The following LYPLAL1 variants were observed in gnomAD, a reference collection of about 807,000 sequenced individuals.
LYPLAL1 encodes lysophospholipase like 1, also known as lysophospholipase-like protein 1.
LYPLAL1 carries 23 observed loss-of-function variants against 19.7 expected under a neutral mutation model. The observed-to-expected ratio is 1.17, with a 90% confidence interval of 0.84 to 1.65. LYPLAL1 has a LOEUF of 1.65. Among genes scored for constraint, LYPLAL1 ranks in the 40% most tolerant of loss-of-function variants. LYPLAL1 has a pLI of 0.00. For missense variants in LYPLAL1, 355 were observed against 279.4 expected, an observed-to-expected ratio of 1.27 and a Z score of -1.93; for synonymous variants, 119 against 96.3, an observed-to-expected ratio of 1.24 and a Z score of -1.38.
chr1:219,309,275 G>T, the LYPLAL1 span, among the ~76,000 whole-genome samples: 1 of 152,188 alleles, frequency 6.6e-6, no homozygotes, highest in Non-Finnish European at 1.5e-5. Context: ...TTGTATCTAG[G>T]AAGTAACTAG....
At chr1:219,250,920 C>T in the LYPLAL1 span, among the ~76,000 whole-genome samples, 1 of 152,052 alleles carries the variant, frequency 6.6e-6, no homozygotes, top group Non-Finnish European at 1.5e-5. Flanking sequence ...ACACTCCCAC[C>T]AACAGTGTAT....
At chr1:219,282,178 A>T in the LYPLAL1 span, among the ~76,000 whole-genome samples, 1 of 152,222 alleles carries the variant, frequency 6.6e-6, no homozygotes, top group South Asian at 2.1e-4. Flanking sequence ...AACAGTTACC[A>T]TGAGAAAGGA....
At chr1:219,179,461 C>A (rs1266167119) in intron 2 of LYPLAL1, 3 of 472,732 alleles carry the variant, frequency 6.3e-6, no homozygotes, top group Non-Finnish European at 1.1e-5. Context: ...AAAGCATTCC[C>A]TAAAGCTCTG....
the LYPLAL1 span, among the ~76,000 whole-genome samples, chr1:219,393,163 CTT>C: frequency 6.6e-6 from 1 of 152,016 alleles, no homozygotes; most frequent in African/African-American, 2.4e-5. Flanking sequence ...GGGATTATGT[CTT>C]TGGTTTTGAG....
chr1:219,438,970 C>G, the LYPLAL1 span, among the ~76,000 whole-genome samples: 1 of 152,144 alleles, frequency 6.6e-6, no homozygotes, highest in East Asian at 1.9e-4. Flanking sequence ...CTTTTTCATG[C>G]TCTTTCTTGC....
At position 219,193,066 on chromosome 1, in the gene LYPLAL1, G is replaced by GGC; in HGVS notation, c.192-14_192-13dup. The stretch of plus-strand genomic sequence containing the variant: ...TTTCCTTTCTTTTTTTTTGGGGGGG[G>GGC]GCGGTTGTTAAACAGATCATATACT... On this transcript the variant is annotated splice_polypyrimidine_tract_variant and intron_variant, in intron 2 of 4. Coordinates refer to ENST00000366928, the MANE Select transcript of LYPLAL1 (RefSeq NM_138794.5). 4 of 1,519,554 alleles carry GGC rather than the reference G, an allele frequency of 2.6e-6. No individual in the cohort carries two copies. The allele number at this position is 1,519,554 out of a possible 1,614,324, so 94.1% of individuals were successfully genotyped here. A position where few individuals can be genotyped will look rare whatever the true frequency, so the allele number is the denominator to read the frequency against.
chr1:219,410,845 G>A, the LYPLAL1 span, among the ~76,000 whole-genome samples: 29 of 152,346 alleles, frequency 1.9e-4, no homozygotes, highest in South Asian at 4.8e-3. Context: ...CTGGCCCACC[G>A]GCGCTGCGCT....
the LYPLAL1 span, among the ~76,000 whole-genome samples, chr1:219,430,287 C>CAAAA: frequency 2.6e-4 from 18 of 69,736 alleles, no homozygotes; most frequent in African/African-American, 7.4e-4. Flanking sequence ...GATCCTAGCT[C>CAAAA]AAAAAAAAAA....
chr1:219,334,493 T>G, the LYPLAL1 span, among the ~76,000 whole-genome samples: 1 of 151,050 alleles, frequency 6.6e-6, no homozygotes, highest in Non-Finnish European at 1.5e-5. Flanking sequence ...CCAGCATAAA[T>G]GACAGCTTTC....
the LYPLAL1 span, among the ~76,000 whole-genome samples, chr1:219,320,488 C>G: frequency 6.6e-6 from 1 of 152,096 alleles, no homozygotes; most frequent in African/African-American, 2.4e-5. Flanking sequence ...ATGTGCACAA[C>G]GTGCAGGTTT....
chr1:219,189,227 A>G (rs1377133290), intron 2 of LYPLAL1, among the ~76,000 whole-genome samples: 1 of 151,706 alleles, frequency 6.6e-6, no homozygotes, highest in Non-Finnish European at 1.5e-5. Flanking sequence ...TCCTTATTTA[A>G]GTATTTAGAC....
the LYPLAL1 span, among the ~76,000 whole-genome samples, chr1:219,372,946 G>A: frequency 2.0e-5 from 3 of 151,958 alleles, no homozygotes; most frequent in Non-Finnish European, 2.9e-5. Context: ...TTTTTCTCCA[G>A]GAAAGCAATT....
At chr1:219,321,063 T>G in the LYPLAL1 span, among the ~76,000 whole-genome samples, 1 of 152,202 alleles carries the variant, frequency 6.6e-6, no homozygotes, top group African/African-American at 2.4e-5. Context: ...ACCAACCGTG[T>G]AAAAGCGTTC....
the LYPLAL1 span, among the ~76,000 whole-genome samples, chr1:219,225,821 C>A: frequency 6.6e-6 from 1 of 152,182 alleles, no homozygotes; most frequent in South Asian, 2.1e-4. Flanking sequence ...CTCTCGTCTC[C>A]CATGTTACAG....
At chr1:219,437,813 C>T in the LYPLAL1 span, among the ~76,000 whole-genome samples, 1 of 151,600 alleles carries the variant, frequency 6.6e-6, no homozygotes, top group Non-Finnish European at 1.5e-5. Context: ...GTCACCCAAG[C>T]TAGAGTGCAG....
the LYPLAL1 span, among the ~76,000 whole-genome samples, chr1:219,332,699 A>T: frequency 6.6e-6 from 1 of 151,366 alleles, no homozygotes; most frequent in Non-Finnish European, 1.5e-5. Flanking sequence ...TTATTACTGC[A>T]TGAGTTTGGA....
the LYPLAL1 span, among the ~76,000 whole-genome samples, chr1:219,335,984 C>T: frequency 6.6e-6 from 1 of 151,066 alleles, no homozygotes; most frequent in Admixed American, 6.6e-5. Context: ...TAAATAATAC[C>T]TGGGTGTTCT....
chr1:219,249,978 A>T, the LYPLAL1 span, among the ~76,000 whole-genome samples: 1 of 151,326 alleles, frequency 6.6e-6, no homozygotes, highest in Admixed American at 6.6e-5. Context: ...TTGCTTTTTC[A>T]CTCTCTTTGT....
intron 1 of LYPLAL1, chr1:219,175,105 C>T (rs1166839479): frequency 8.1e-6 from 8 of 985,266 alleles, no homozygotes; most frequent in Non-Finnish European, 8.4e-6. Context: ...GGGAGGTATT[C>T]TCTTTATTTT....
Sources: gnomAD v4.1 joint callset for allele counts (sites outside exome capture counted in the v4.1 genomes callset) on GRCh38, gnomAD v4.1.1 for gene constraint, MANE v1.5 for transcripts, NCBI Gene and HGNC (gene_info 2026-07-23, HGNC 2026-07-21) for gene names.